CC2D2B: variants seen among roughly 807,000 people sequenced by gnomAD.
The protein encoded by CC2D2B is protein CC2D2B.
Under a neutral mutation model 161.2 loss-of-function variants are expected in CC2D2B, and 128 were observed. The observed-to-expected ratio is 0.79, with a 90% CI of 0.69 to 0.92. The LOEUF is 0.92. CC2D2B is among the 40% of genes least tolerant of loss of function. The pLI, the probability that CC2D2B is intolerant of heterozygous loss-of-function variation, is 0.00. For missense variants in CC2D2B, 1,173 were observed against 1,375.1 expected (o/e 0.85, Z 2.32); for synonymous variants, 391 against 449.8 (o/e 0.87, Z 1.65).
chr10:95,957,410 G>A (rs773960767), intron 11 of CC2D2B, among the ~76,000 whole-genome samples: 12 of 151,828 alleles, frequency 7.9e-5, no homozygotes, highest in Non-Finnish European at 1.0e-4. Flanking sequence ...TAAAGACTAC[G>A]ACATTTAAAA....
chr10:96,017,255 C>A (rs1384030795), intron 30 of CC2D2B, among the ~76,000 whole-genome samples: 1 of 152,188 alleles, frequency 6.6e-6, no homozygotes, highest in Non-Finnish European at 1.5e-5. Context: ...TATTTACAGT[C>A]TTGCCTTATG....
intron 21 of CC2D2B, among the ~76,000 whole-genome samples, chr10:95,992,026 C>A (rs117182960): frequency 3.3e-5 from 5 of 152,134 alleles, no homozygotes; most frequent in Admixed American, 3.3e-4. Context: ...GTAAGGTTTT[C>A]AACGGGTTTA....
chr10:95,951,739 A>G (rs2076407364), intron 10 of CC2D2B, among the ~76,000 whole-genome samples: 1 of 152,162 alleles, frequency 6.6e-6, no homozygotes, highest in Non-Finnish European at 1.5e-5. Context: ...TTATTAGAGT[A>G]CCATCTATTA....
intron 9 of CC2D2B, among the ~76,000 whole-genome samples, chr10:95,947,703 C>A (rs1261693151): frequency 6.6e-6 from 1 of 151,814 alleles, no homozygotes; most frequent in Non-Finnish European, 1.5e-5. Context: ...GATCACGCTA[C>A]TGCACACTGC....
chr10:95,982,551 A>G (rs534512354), intron 18 of CC2D2B, among the ~76,000 whole-genome samples: 1 of 152,246 alleles, frequency 6.6e-6, no homozygotes, highest in East Asian at 1.9e-4. Flanking sequence ...TGCTTTCTTC[A>G]TACCTTTATT....
chr10:95,927,942 C>T lies in CC2D2B; in HGVS notation c.336+610C>T, dbSNP rs576002279. Among the ~76,000 whole-genome samples the T allele has an allele frequency of 2.4e-3, 371 of 152,242 alleles. 2 individuals carry two copies. Among genetic ancestry groups the T allele is most frequent in the Non-Finnish European group, 4.2e-3 (287 of 68,010 alleles). ...TTTCCCATTTCCTCCTGACTTGTCTCCCTATCTGCTCTTGTTCCTGGACAC... is the reference window on the plus strand; with the variant it reads ...TTTCCCATTTCCTCCTGACTTGTCTTCCTATCTGCTCTTGTTCCTGGACAC... On this transcript the variant is annotated intron_variant, in intron 6 of 34. Coordinates refer to ENST00000646931, the MANE Select transcript of CC2D2B (RefSeq NM_001349008.3).
chr10:95,938,851 A>G lies in CC2D2B; in HGVS notation c.727A>G (p.Lys243Glu), dbSNP rs1327458692. 5.6e-6 allele frequency: 4 copies of G among 715,336 alleles called. No homozygotes were observed. The highest frequency in any genetic ancestry group is 1.0e-5 in the Non-Finnish European group (4 of 384,284). The allele number at this position is 715,336 out of a possible 1,614,324, so 44.3% of individuals were successfully genotyped here. The part of the protein sequence containing the change: ...GEIMSLPTPI[K>E]QSWNFRLNVR... Reference sequence around the variant, plus strand: ...AATAATGTCATTACCTACACCTATTAAACAGTCATGGAATTTCAGACTAAA... The same window carrying G: ...AATAATGTCATTACCTACACCTATTGAACAGTCATGGAATTTCAGACTAAA... The change falls in exon 9 of 35, where the codon AAA (lysine) becomes GAA (glutamate). Residue 243 changes from lysine (K) to glutamate (E), a missense_variant. Lys to Glu is a moderately conservative substitution (Grantham distance 56). This residue lies in a region of CC2D2B where 298 missense variants were observed against 261.2 expected (regional missense o/e 1.14). Coordinates refer to ENST00000646931, the MANE Select transcript of CC2D2B (RefSeq NM_001349008.3).
chr10:95,925,503 A>T (rs978058010), intron 5 of CC2D2B, among the ~76,000 whole-genome samples: 2 of 152,244 alleles, frequency 1.3e-5, no homozygotes, highest in Non-Finnish European at 2.9e-5. Context: ...TCCAACTTAC[A>T]GATTTTTAAT....
intron 28 of CC2D2B, 120 bp from the exon 29 acceptor site, chr10:96,013,668 T>A: frequency 1.8e-6 from 1 of 563,944 alleles, no homozygotes; most frequent in Non-Finnish European, 3.1e-6. Flanking sequence ...AATACTAGAA[T>A]AATAATAGTG....
intron 5 of CC2D2B, among the ~76,000 whole-genome samples, chr10:95,925,543 A>G (rs989557218): frequency 8.5e-5 from 13 of 152,238 alleles, no homozygotes; most frequent in Admixed American, 2.0e-4. Flanking sequence ...TGAAAATTCA[A>G]TGTGTAATCA....
intron 33 of CC2D2B, among the ~76,000 whole-genome samples, chr10:96,025,173 ATATATATATAT>A (rs1383152239): frequency 0.066 from 1,797 of 27,368 alleles, 128 homozygotes; most frequent in African/African-American, 0.098. Flanking sequence ...ATATATATAT[ATATATATATAT>A]AAAAAAAAAT....
intron 17 of CC2D2B, among the ~76,000 whole-genome samples, chr10:95,976,421 G>A (rs922462804): frequency 1.3e-5 from 2 of 152,212 alleles, no homozygotes; most frequent in African/African-American, 4.8e-5. Context: ...GCAAGAGTGG[G>A]ACAGATGACA....
chr10:96,007,078 T>C (rs2078781184), intron 25 of CC2D2B, among the ~76,000 whole-genome samples: 1 of 152,140 alleles, frequency 6.6e-6, no homozygotes, highest in African/African-American at 2.4e-5. Flanking sequence ...GTTATACAGG[T>C]AAACTTGTGT....
chr10:95,938,686 G>T lies in CC2D2B; in HGVS notation c.653G>T (p.Arg218Leu), dbSNP rs556555977. Residue 218 changes from arginine to leucine, a missense_variant, in exon 8 of 35, where the codon CGC (arginine) becomes CTC (leucine). Arg to Leu is a moderately radical substitution (Grantham distance 102, BLOSUM62 -2). This residue lies in a region of CC2D2B where 298 missense variants were observed against 261.2 expected (regional missense o/e 1.14). Coordinates refer to ENST00000646931, the MANE Select transcript of CC2D2B (RefSeq NM_001349008.3). The part of the protein sequence containing the change: ...YKKTCNKMEN[R>L]LLKLEEGKCW... ...AAGACCTGCAACAAAATGGAAAATCGCCTGCTTAAACTAGAAGAGGCAAGT... is the reference window on the plus strand; with the variant it reads ...AAGACCTGCAACAAAATGGAAAATCTCCTGCTTAAACTAGAAGAGGCAAGT... The T allele has an allele frequency of 2.8e-6, 2 of 712,362 alleles. No homozygotes were observed. Among genetic ancestry groups the T allele is most frequent in the African/African-American group, 1.8e-5 (1 of 56,894 alleles). 44.1% of individuals were successfully genotyped at this position (712,362 alleles called of 1,614,324 possible). A position where few individuals can be genotyped will look rare whatever the true frequency, so the allele number is the denominator to read the frequency against.
At chr10:95,955,615 A>T (rs2076544519) in intron 11 of CC2D2B, 124 bp downstream of exon 11, 2 of 391,236 alleles carry the variant, frequency 5.1e-6, no homozygotes, top group African/African-American at 4.1e-5. Context: ...GATTACAGAA[A>T]TGGTTTCAAT....
chr10:95,974,241 G>C, intron 17 of CC2D2B, 85 bp downstream of exon 17: 2 of 696,504 alleles, frequency 2.9e-6, no homozygotes, highest in Non-Finnish European at 4.0e-6. Context: ...GAGAAAACTT[G>C]AGCAGCAATA....
intron 20 of CC2D2B, among the ~76,000 whole-genome samples, chr10:95,989,904 A>C (rs17468083): frequency 1.3e-5 from 2 of 152,146 alleles, no homozygotes; most frequent in African/African-American, 4.8e-5. Context: ...AGGTACCTAA[A>C]TCCTTCTATG....
intron 6 of CC2D2B, among the ~76,000 whole-genome samples, chr10:95,936,902 GAGCTCC>G (rs2075841542): frequency 6.6e-6 from 1 of 152,186 alleles, no homozygotes; most frequent in Non-Finnish European, 1.5e-5. Context: ...TTGGTTATGA[GAGCTCC>G]AGTTGGAGCA....
Position 95,989,321 on chromosome 10 carries a change from A to T in CC2D2B, c.2379+979A>T, listed in dbSNP as rs2077854761. Among the ~76,000 whole-genome samples the T allele has an allele frequency of 2.0e-5, 3 of 152,178 alleles. No individual in the cohort carries two copies. In the South Asian group the frequency reaches 6.2e-4, roughly 32 times the overall value. On this transcript the variant is annotated intron_variant, in intron 20 of 34. Coordinates refer to ENST00000646931, the MANE Select transcript of CC2D2B (RefSeq NM_001349008.3). ...CTTGCTTTGCTTTACATCCAATGTGAGGGGCAAATGAGATCAAACCACAAG... is the reference window on the plus strand; with the variant it reads ...CTTGCTTTGCTTTACATCCAATGTGTGGGGCAAATGAGATCAAACCACAAG...
Sources: allele counts gnomAD v4.1 joint callset (sites outside exome capture counted in the v4.1 genomes callset), GRCh38; gene constraint gnomAD v4.1.1; regional missense constraint gnomAD v4.1.1; transcripts MANE v1.5; gene names NCBI Gene and HGNC (gene_info 2026-07-23, HGNC 2026-07-21).